Variants in ERCC5 observed in about 807,000 individuals in gnomAD.
ERCC5 encodes ERCC excision repair 5, endonuclease.
ERCC5 carries 68 observed loss-of-function variants against 105.6 expected under a neutral mutation model. That is an observed-to-expected ratio of 0.64 (90% CI 0.53 to 0.79). ERCC5 has a LOEUF of 0.79. Among genes scored for constraint, ERCC5 ranks in the 30% least tolerant of loss-of-function variants. The pLI is 0.00. For synonymous variants in ERCC5, 546 were observed against 526.2 expected (o/e 1.04, Z -0.51); for missense variants, 1,373 against 1,426.7 (o/e 0.96, Z 0.61).
At chr13:102,869,741 G>A (rs1595388634) in intron 12 of ERCC5, among the ~76,000 whole-genome samples, 2 of 152,016 alleles carry the variant, frequency 1.3e-5, no homozygotes, top group African/African-American at 4.8e-5. Flanking sequence ...CTTAATCTTC[G>A]GGTTCTTATC....
In ERCC5 at chr13:102,852,108, A is replaced by T. The variant is rs202103819; in HGVS notation, c.89-10A>T. On this transcript the variant is annotated splice_polypyrimidine_tract_variant and intron_variant, in intron 1 of 14. Coordinates refer to ENST00000652225, the MANE Select transcript of ERCC5 (RefSeq NM_000123.4). ...AATCCCGGAGTTTTTTCCATTAACA[A>T]TTCTCCCAGATATTAGCATTTGGTT... 3.7e-6 allele frequency: 6 copies of T among 1,613,968 alleles called. No homozygotes were observed. Among genetic ancestry groups the T allele is most frequent in the Admixed American group, 1.7e-5 (1 of 59,988 alleles).
intron 6 of ERCC5, among the ~76,000 whole-genome samples, chr13:102,858,633 A>C (rs1253453305): frequency 6.6e-6 from 1 of 152,142 alleles, no homozygotes; most frequent in African/African-American, 2.4e-5. Context: ...TTTTGACCCG[A>C]GACTAGGTCT....
rs1405152893 is a variant in ERCC5, at chr13:102,865,689, T to C, written c.1977T>C (p.Ser659=). 6.2e-7 allele frequency: 1 copy of C among 1,613,688 alleles called. No individual in the cohort carries two copies. The stretch of plus-strand genomic sequence containing the variant: ...CAGGAAGTTTCATTGAAGTGCAAAG[T>C]GTGATTAGTGATGAGGAACTTCAAG... ...ESDGSFIEVQ[S]VISDEELQAE... is the part of the protein sequence containing the mutation. Residue 659 remains serine, a synonymous_variant, in exon 9 of 15, where the codon AGT becomes AGC. Coordinates refer to ENST00000652225, the MANE Select transcript of ERCC5 (RefSeq NM_000123.4). This position sits in a 1 kb window ranked among gnomAD's most constrained non-coding sequence, Gnocchi z 4.0.
rs1882047560 is a variant in ERCC5 at position 102,848,087 on chromosome 13, C to T, written c.88+1733C>T. Among the ~76,000 whole-genome samples the T allele has an allele frequency of 3.9e-5, 6 of 152,100 alleles. No individual in the cohort carries two copies. In the South Asian group the frequency reaches 1.2e-3, roughly 32 times the overall value. ...GGCAGGAAGATTGCTTGGGCCCAGGCGGTCAAGGCTGCAATGAGCCGTGTT... is the reference window on the plus strand; with the variant it reads ...GGCAGGAAGATTGCTTGGGCCCAGGTGGTCAAGGCTGCAATGAGCCGTGTT... On this transcript the variant is annotated intron_variant, in intron 1 of 14. Coordinates refer to ENST00000652225, the MANE Select transcript of ERCC5 (RefSeq NM_000123.4).
chr13:102,875,229 G>A, intron 14 of ERCC5, 78 bp from the exon 15 acceptor site: 3 of 1,493,554 alleles, frequency 2.0e-6, no homozygotes, highest in Non-Finnish European at 2.8e-6. Context: ...AGTGATCAAG[G>A]TTGAGCTTGT....
Position 102,869,385 on chromosome 13 carries a change from A to G in ERCC5, c.2678+1128A>G, listed in dbSNP as rs145365962. Reference sequence around the variant, plus strand: ...ATTATACAAATAAAGTAAATACATCATAGAAAATTATAAATATGTATTAAA... The same window carrying G: ...ATTATACAAATAAAGTAAATACATCGTAGAAAATTATAAATATGTATTAAA... On this transcript the variant is annotated intron_variant, in intron 12 of 14. Coordinates refer to ENST00000652225, the MANE Select transcript of ERCC5 (RefSeq NM_000123.4). Among the ~76,000 whole-genome samples, 137 of 152,336 alleles carry G rather than the reference A, an allele frequency of 9.0e-4. 4 individuals carry two copies. The East Asian group carries it at 0.024, about 27-fold the overall frequency.
In ERCC5 at chr13:102,865,995, G is replaced by A. The variant is rs993738228; in HGVS notation, c.2199+84G>A. On this transcript the variant is annotated intron_variant, in intron 9 of 14. Coordinates refer to ENST00000652225, the MANE Select transcript of ERCC5 (RefSeq NM_000123.4). The surrounding 1 kb of genome is among the most constrained non-coding windows in gnomAD (Gnocchi z 4.0). ...TGAGTTTTAAGGAGTTGGTGGATGA[G>A]TATTTAGTAGCTATTTGCAGTACAT... The A allele has an allele frequency of 1.2e-5, 20 of 1,609,456 alleles. No homozygotes were observed. Among genetic ancestry groups the A allele is most frequent in the Admixed American group, 1.2e-4 (7 of 60,012 alleles).
chr13:102,861,141 A>G (rs1276661600), intron 6 of ERCC5, among the ~76,000 whole-genome samples: 1 of 152,036 alleles, frequency 6.6e-6, no homozygotes, highest in African/African-American at 2.4e-5. Context: ...GGTGCCTGCC[A>G]TCACACCCGG....
chr13:102,866,592 G>A (rs761757319), intron 10 of ERCC5, 40 bp from the exon 11 acceptor site: 1 of 1,610,902 alleles, frequency 6.2e-7, no homozygotes, highest in Non-Finnish European at 8.5e-7. Context: ...GCCTGGCGGT[G>A]CCCTTCCCTG....
rs4150318 is a variant in ERCC5, at chr13:102,862,917, G to A, written c.1768G>A (p.Val590Ile). 856 of 1,614,222 alleles carry A rather than the reference G, an allele frequency of 5.3e-4. 3 individuals carry two copies. Among genetic ancestry groups the A allele is most frequent in the Middle Eastern group, 4.0e-3 (24 of 6,062 alleles). ...CAGTTTGCAAGAAACAAGTAGCATA[G>A]TAAGTGTCCCTTCAGAGGCAGTAGA... ...PVSLQETSSI[V>I]SVPSEAVDNV... The change falls in exon 8 of 15, where the codon GTA (valine) becomes ATA (isoleucine). Residue 590 changes from valine to isoleucine, a missense_variant. Val to Ile is a conservative substitution (Grantham distance 29). Around this residue, in one of 3 missense-constraint regions of ERCC5, gnomAD observed 1,004 missense variants for 1,059.7 expected, o/e 0.95. Coordinates refer to ENST00000652225, the MANE Select transcript of ERCC5 (RefSeq NM_000123.4).
intron 12 of ERCC5, 49 bp from the exon 13 acceptor site, chr13:102,872,149 A>C: frequency 6.3e-7 from 1 of 1,593,364 alleles, no homozygotes; most frequent in South Asian, 1.1e-5. Context: ...TAGTGTATGA[A>C]CTATAATGTC....
chr13:102,855,918 G>A, intron 4 of ERCC5, 134 bp from the exon 5 acceptor site: 3 of 840,190 alleles, frequency 3.6e-6, no homozygotes, highest in African/African-American at 3.4e-5. Flanking sequence ...CAGACCATGA[G>A]ACCAGTAGTG....
Position 102,865,770 on chromosome 13 carries a change from A to G in ERCC5, c.2058A>G (p.Val686=). The part of the protein sequence containing the change: ...PPSEQGEEEL[V]GTREGEAPAE... ...CAGAACAAGGCGAAGAGGAACTGGTAGGAACTAGGGAGGGAGAAGCCCCTG... is the reference window on the plus strand; with the variant it reads ...CAGAACAAGGCGAAGAGGAACTGGTGGGAACTAGGGAGGGAGAAGCCCCTG... Residue 686 remains valine, a synonymous_variant, in exon 9 of 15, where the codon GTA becomes GTG. Coordinates refer to ENST00000652225, the MANE Select transcript of ERCC5 (RefSeq NM_000123.4). The surrounding 1 kb of genome is among the most constrained non-coding windows in gnomAD (Gnocchi z 4.0). 2 of 1,614,158 alleles carry G rather than the reference A, an allele frequency of 1.2e-6. No homozygotes were observed. The highest frequency in any genetic ancestry group is 1.7e-5 in the Admixed American group (1 of 60,018).
At chr13:102,863,841 C>T (rs558355192) in intron 8 of ERCC5, among the ~76,000 whole-genome samples, 1 of 152,112 alleles carries the variant, frequency 6.6e-6, no homozygotes, top group African/African-American at 2.4e-5. Context: ...GCCAGTTGGA[C>T]CAGATTTGAA....
chr13:102,875,868 C>T lies in ERCC5; in HGVS notation c.3526C>T (p.Leu1176=), dbSNP rs746477204. The T allele has an allele frequency of 6.2e-7, 1 of 1,611,456 alleles. No homozygotes were observed. Among genetic ancestry groups the T allele is most frequent in the Admixed American group, 1.7e-5 (1 of 60,012 alleles). ...RSVFGKKRRK[L]RRARGRKRKT ...TGTGTTTGGGAAGAAAAGAAGGAAA[C>T]TAAGACGTGCGAGGGGAAGAAAAAG... The change falls in exon 15 of 15, where the codon CTA becomes TTA. Residue 1176 remains leucine (L), a synonymous_variant. Coordinates refer to ENST00000652225, the MANE Select transcript of ERCC5 (RefSeq NM_000123.4).
chr13:102,865,448 T>A lies in ERCC5; in HGVS notation c.1955-219T>A. 1 of 545,868 alleles carries A rather than the reference T, an allele frequency of 1.8e-6. No individual in the cohort carries two copies. The highest frequency in any genetic ancestry group is 3.2e-6 in the Non-Finnish European group (1 of 313,572). The allele number at this position is 545,868 out of a possible 1,614,324, so 33.8% of individuals were successfully genotyped here. On this transcript the variant is annotated intron_variant, in intron 8 of 14. Transcript: ENST00000652225. This position sits in a 1 kb window ranked among gnomAD's most constrained non-coding sequence, Gnocchi z 4.0. The stretch of plus-strand genomic sequence containing the variant: ...GAGAGTTTCCTACTTTCAAAGACAG[T>A]GCCAGTTTACCTAATTGAAAAGGCT...
At chr13:102,874,349 C>T (rs1226884558) in intron 14 of ERCC5, among the ~76,000 whole-genome samples, 1 of 152,128 alleles carries the variant, frequency 6.6e-6, no homozygotes, top group Non-Finnish European at 1.5e-5. Flanking sequence ...TAATCCTCCC[C>T]CCCAACTTAT....
At chr13:102,872,058 A>G (rs1883051537) in intron 12 of ERCC5, 140 bp from the exon 13 acceptor site, 1 of 1,036,132 alleles carries the variant, frequency 9.7e-7, no homozygotes, top group Non-Finnish European at 1.4e-6. Context: ...TAATAGTACT[A>G]AAATTAATAA....
In ERCC5 at chr13:102,849,638, C is replaced by T. The variant is rs570996415; in HGVS notation, c.89-2480C>T. Among the ~76,000 whole-genome samples the T allele has an allele frequency of 1.2e-4, 19 of 152,108 alleles. No individual in the cohort carries two copies. In the East Asian group the frequency reaches 3.5e-3, roughly 28 times the overall value. ...ACATTCATTTAAATACTAAACTGTT[C>T]AACTTATTTAATAGCAGATATTTAT... On this transcript the variant is annotated intron_variant, in intron 1 of 14. Coordinates refer to ENST00000652225, the MANE Select transcript of ERCC5 (RefSeq NM_000123.4).
Sources: allele counts gnomAD v4.1 joint callset (sites outside exome capture counted in the v4.1 genomes callset), GRCh38; gene constraint gnomAD v4.1.1; regional missense constraint gnomAD v4.1.1; non-coding constraint Gnocchi (gnomAD v3.1); transcripts MANE v1.5; gene names NCBI Gene and HGNC (gene_info 2026-07-23, HGNC 2026-07-21).